The following TSBP1 variants were observed in gnomAD, a reference collection of about 807,000 sequenced individuals.
TSBP1 encodes testis expressed basic protein 1.
A neutral mutation model predicts 68.8 loss-of-function variants in TSBP1; 56 were observed. The ratio of observed to expected loss-of-function variants is 0.81; its 90% CI spans 0.66 to 1.02. The LOEUF is 1.02. Among genes scored for constraint, TSBP1 ranks in the 50% least tolerant of loss-of-function variants. The probability of loss-of-function intolerance (pLI) is 0.00; values close to 1 mark genes in which losing one functional copy is unlikely to be tolerated. For missense variants in TSBP1, 502 were observed against 641.2 expected (o/e 0.78, Z 2.34); for synonymous variants, 171 against 208.7 (o/e 0.82, Z 1.56).
chr6:32,371,299 A>G (rs2050190), intron 1 of TSBP1, among the ~76,000 whole-genome samples: 53,670 of 151,958 alleles, frequency 0.35, 9,775 homozygotes, highest in African/African-American at 0.44. Flanking sequence ...TCTATAGGGC[A>G]GTTAGAAGAT....
chr6:32,370,069 C>A, intron 1 of TSBP1, 86 bp from the exon 2 acceptor site: 1 of 781,446 alleles, frequency 1.3e-6, no homozygotes. Context: ...TACTATCCAC[C>A]AGATAGACTT....
chr6:32,344,688 T>C (rs1466183103), intron 9 of TSBP1, among the ~76,000 whole-genome samples: 1 of 152,144 alleles, frequency 6.6e-6, no homozygotes, highest in Admixed American at 6.6e-5. Flanking sequence ...AGCTGTAGTG[T>C]GATTTTTTCA....
chr6:32,298,648 C>T (rs11751697), intron 22 of TSBP1, among the ~76,000 whole-genome samples: 10,958 of 152,144 alleles, frequency 0.072, 514 homozygotes, highest in East Asian at 0.19. Flanking sequence ...TCCAAACCCA[C>T]TCTCTTTCTA....
At chr6:32,369,827 G>T in intron 2 of TSBP1, 70 bp downstream of exon 2, 1 of 944,300 alleles carries the variant, frequency 1.1e-6, no homozygotes, top group South Asian at 1.3e-5. Flanking sequence ...GATGAACTCA[G>T]ACTGAATCTT....
In TSBP1 at chr6:32,365,534, C is replaced by G. The variant is rs759458271; in HGVS notation, c.217+633G>C. 2.2e-6 allele frequency: 1 copy of G among 456,378 alleles called. No individual in the cohort carries two copies. Among genetic ancestry groups the G allele is most frequent in the Admixed American group, 2.4e-5 (1 of 42,540 alleles). The allele number at this position is 456,378 out of a possible 1,614,324, so 28.3% of individuals were successfully genotyped here. ...TCTCTTTTCCCTGCTCCCAGCCTCT[C>G]CTAACCATTCAACTATGCTGATCAT... On this transcript the variant is annotated intron_variant, in intron 6 of 22. Transcript: ENST00000612031. The surrounding 1 kb of genome is among the most constrained non-coding windows in gnomAD (Gnocchi z 4.3).
intron 9 of TSBP1, among the ~76,000 whole-genome samples, chr6:32,341,159 G>A (rs1327139540): frequency 6.6e-6 from 1 of 152,124 alleles, no homozygotes; most frequent in Non-Finnish European, 1.5e-5. Flanking sequence ...AATAAGCAGG[G>A]CAGTGGAAGG....
chr6:32,335,488 C>G lies in TSBP1; in HGVS notation c.452-31G>C, dbSNP rs376167523. 4.5e-6 allele frequency: 6 copies of G among 1,339,536 alleles called. No individual in the cohort carries two copies. The highest frequency in any genetic ancestry group is 5.9e-6 in the Non-Finnish European group (6 of 1,012,864). 83.0% of individuals were successfully genotyped at this position (1,339,536 alleles called of 1,614,324 possible). ...AAAAAAAGAGAAAAGAAATCAGTAG[C>G]TATATATATATTTTATATATACTTT... On this transcript the variant is annotated intron_variant, in intron 13 of 22. Coordinates refer to ENST00000612031, the Ensembl canonical transcript of TSBP1. The surrounding 1 kb of genome is among the most constrained non-coding windows in gnomAD (Gnocchi z 5.5).
intron 22 of TSBP1, among the ~76,000 whole-genome samples, chr6:32,296,168 A>C (rs1764700743): frequency 6.6e-6 from 1 of 152,212 alleles, no homozygotes; most frequent in African/African-American, 2.4e-5. Context: ...TTCTTGCTTA[A>C]AAGTGAATTA....
In TSBP1 at chr6:32,316,744, A is replaced by T. The variant is rs1282026076; in HGVS notation, c.560-952T>A. On this transcript the variant is annotated intron_variant, in intron 18 of 22. Coordinates refer to ENST00000612031, the Ensembl canonical transcript of TSBP1. This position sits in a 1 kb window ranked among gnomAD's most constrained non-coding sequence, Gnocchi z 4.5. ...AGCTTCCTTCTCAGGGAGAAGCTAG[A>T]TTAGCAGAGGGCAGAGGAAACTGGG... Among the ~76,000 whole-genome samples the T allele has an allele frequency of 6.6e-6, 1 of 152,198 alleles. No individual in the cohort carries two copies. The highest frequency in any genetic ancestry group is 1.5e-5 in the Non-Finnish European group (1 of 68,034).
Position 32,316,237 on chromosome 6 carries a change from CCCT to C in TSBP1, c.560-448_560-446del, listed in dbSNP as rs1440838273. On this transcript the variant is annotated intron_variant, in intron 18 of 22. Transcript: ENST00000612031. This position sits in a 1 kb window ranked among gnomAD's most constrained non-coding sequence, Gnocchi z 4.5. ...TATTACTGATGAATCCTAGCTTAGTCCCTCTTTTAATTAGTGTTTAAAAAGATT... is the reference window on the plus strand; with the variant it reads ...TATTACTGATGAATCCTAGCTTAGTCCTTTTAATTAGTGTTTAAAAAGATT... Among the ~76,000 whole-genome samples, 1 of 152,112 alleles carries C rather than the reference CCCT, an allele frequency of 6.6e-6. No individual in the cohort carries two copies. Among genetic ancestry groups the C allele is most frequent in the Non-Finnish European group, 1.5e-5 (1 of 68,030 alleles).
Position 32,342,668 on chromosome 6 carries a change from C to A in TSBP1, c.350-3030G>T, listed in dbSNP as rs138908531. On this transcript the variant is annotated intron_variant, in intron 9 of 22. Coordinates refer to ENST00000612031, the Ensembl canonical transcript of TSBP1. ...CTGTAAATTGAAAATAATTAACAAG[C>A]AAATTTATTTTAAAAGTGATTTTTT... Among the ~76,000 whole-genome samples, 380 of 152,282 alleles carry A rather than the reference C, an allele frequency of 2.5e-3. 7 individuals carry two copies. Among genetic ancestry groups the A allele is most frequent in the East Asian group, 0.024 (124 of 5,194 alleles).
At chr6:32,339,676 T>A in intron 9 of TSBP1, 38 bp from the exon 11 acceptor site, 2 of 889,376 alleles carry the variant, frequency 2.2e-6, no homozygotes, top group Non-Finnish European at 3.6e-6. Flanking sequence ...TTATTTAGAT[T>A]TAGACTTTCA....
intron 16 of TSBP1, among the ~76,000 whole-genome samples, chr6:32,328,046 T>C (rs1419312167): frequency 1.3e-5 from 2 of 152,036 alleles, no homozygotes; most frequent in Admixed American, 6.6e-5. Context: ...CTTCGTGATC[T>C]GCCCACCTTG....
intron 22 of TSBP1, among the ~76,000 whole-genome samples, chr6:32,295,810 C>T (rs947809555): frequency 2.0e-5 from 3 of 150,858 alleles, no homozygotes; most frequent in African/African-American, 7.3e-5. Flanking sequence ...AAATAATTTA[C>T]AGGAGTGGTT....
rs1766771415 is a variant in TSBP1 at position 32,314,729 on chromosome 6, T to C, written c.580+1043A>G. 6.6e-6 allele frequency among the ~76,000 whole-genome samples: 1 copy of C among 152,238 alleles called. No individual in the cohort carries two copies. Among genetic ancestry groups the C allele is most frequent in the African/African-American group, 2.4e-5 (1 of 41,466 alleles). On this transcript the variant is annotated intron_variant, in intron 19 of 22. Coordinates refer to ENST00000612031, the Ensembl canonical transcript of TSBP1. The surrounding 1 kb of genome is among the most constrained non-coding windows in gnomAD (Gnocchi z 4.2). ...TATGAAAACTATATCCAGAGTGTGT[T>C]TAGAAGGAACTGGAGGAGGATATAT...
At chr6:32,345,458 C>T (rs1770898290) in intron 9 of TSBP1, among the ~76,000 whole-genome samples, 1 of 151,628 alleles carries the variant, frequency 6.6e-6, no homozygotes, top group African/African-American at 2.4e-5. Context: ...GTACAATGGG[C>T]CATCAACTAC....
At chr6:32,311,600 T>C (rs1766408011) in intron 19 of TSBP1, among the ~76,000 whole-genome samples, 1 of 152,136 alleles carries the variant, frequency 6.6e-6, no homozygotes, top group African/African-American at 2.4e-5. Context: ...AGCTCTCCTA[T>C]CTCAAGTGTC....
At chr6:32,368,698 C>T in intron 3 of TSBP1, 84 bp downstream of exon 3, 1 of 1,407,240 alleles carries the variant, frequency 7.1e-7, no homozygotes, top group Admixed American at 2.0e-5. Flanking sequence ...GGAAACACAA[C>T]TGTAAACAAG....
At chr6:32,293,786 C>G (rs755683262) in exon 23 of TSBP1, 5 of 1,612,930 alleles carry the variant, frequency 3.1e-6, no homozygotes, top group Admixed American at 1.7e-5. Context: ...TCCAGCGTCA[C>G]TGTCTACCTT....
Sources: gnomAD v4.1 joint callset for allele counts (sites outside exome capture counted in the v4.1 genomes callset) on GRCh38, gnomAD v4.1.1 for gene constraint, Gnocchi (gnomAD v3.1) non-coding constraint, MANE v1.5 for transcripts, NCBI Gene and HGNC (gene_info 2026-07-23, HGNC 2026-07-21) for gene names.